Variants in USH2A observed in about 807,000 individuals in gnomAD.
USH2A encodes Usher syndrome 2A (autosomal recessive, mild).
Under a neutral mutation model 538.9 loss-of-function variants are expected in USH2A, and 443 were observed. That is an observed-to-expected ratio of 0.82 (90% CI 0.76 to 0.89). The LOEUF (loss-of-function observed/expected upper bound fraction) is 0.89, where lower values mean the gene tolerates loss of function less well. USH2A is among the 40% of genes least tolerant of loss of function. USH2A has a pLI of 0.00. For missense variants in USH2A, 6,633 were observed against 6,324.8 expected, an observed-to-expected ratio of 1.05 and a Z score of -1.65; for synonymous variants, 2,413 against 2,273.5, an observed-to-expected ratio of 1.06 and a Z score of -1.75.
chr1:215,877,153 A>T (rs963051332), intron 43 of USH2A, among the ~76,000 whole-genome samples: 4 of 152,176 alleles, frequency 2.6e-5, no homozygotes, highest in African/African-American at 9.6e-5. Flanking sequence ...TAAGTAGTGA[A>T]GCTTTGTGGC....
At chr1:216,354,778 A>T (rs1443714154) in intron 4 of USH2A, among the ~76,000 whole-genome samples, 1 of 152,086 alleles carries the variant, frequency 6.6e-6, no homozygotes, top group Non-Finnish European at 1.5e-5. Context: ...CTCTAACATC[A>T]ATCTAACTAG....
chr1:215,840,399 A>G (rs1206186234), intron 46 of USH2A, among the ~76,000 whole-genome samples: 2 of 152,116 alleles, frequency 1.3e-5, no homozygotes, highest in Non-Finnish European at 2.9e-5. Flanking sequence ...TATCAAGTAC[A>G]GTATTCCTGG....
At chr1:215,812,266 A>G (rs1342356813) in intron 49 of USH2A, among the ~76,000 whole-genome samples, 1 of 152,076 alleles carries the variant, frequency 6.6e-6, no homozygotes, top group Non-Finnish European at 1.5e-5. Flanking sequence ...GATTACAGGC[A>G]TGAGCCACCG....
At chr1:216,336,486 A>G (rs998835356) in intron 4 of USH2A, among the ~76,000 whole-genome samples, 3 of 151,196 alleles carry the variant, frequency 2.0e-5, no homozygotes, top group Non-Finnish European at 4.4e-5. Flanking sequence ...GAAAACTCTA[A>G]GAAATCTACT....
intron 38 of USH2A, among the ~76,000 whole-genome samples, chr1:215,915,083 T>C (rs1455754622): frequency 6.6e-6 from 1 of 152,114 alleles, no homozygotes; most frequent in African/African-American, 2.4e-5. Context: ...ATCCTCCTAA[T>C]AGTCCTAGGT....
intron 32 of USH2A, among the ~76,000 whole-genome samples, chr1:216,004,657 T>C (rs999161741): frequency 6.6e-5 from 10 of 152,100 alleles, no homozygotes; most frequent in Non-Finnish European, 1.0e-4. Context: ...AATGTAGCAA[T>C]AGATAAAAGG....
chr1:215,889,277 AT>A (rs775065433), intron 40 of USH2A, among the ~76,000 whole-genome samples: 52 of 152,166 alleles, frequency 3.4e-4, no homozygotes, highest in Admixed American at 6.5e-4. Flanking sequence ...TAAAATGATC[AT>A]TTTCCTCTCT....
intron 37 of USH2A, among the ~76,000 whole-genome samples, chr1:215,941,515 G>C (rs920989105): frequency 6.6e-5 from 10 of 152,074 alleles, no homozygotes; most frequent in African/African-American, 2.4e-4. Context: ...ATCTCAATCA[G>C]CTAAAAGTTA....
intron 70 of USH2A, among the ~76,000 whole-genome samples, chr1:215,632,735 C>T (rs1209941293): frequency 1.3e-5 from 2 of 152,200 alleles, no homozygotes; most frequent in Non-Finnish European, 2.9e-5. Flanking sequence ...TCTTTTCTCT[C>T]TTCCACTGCC....
At chr1:216,247,459 G>A (rs1163371779) in intron 12 of USH2A, among the ~76,000 whole-genome samples, 1 of 152,126 alleles carries the variant, frequency 6.6e-6, no homozygotes, top group African/African-American at 2.4e-5. Flanking sequence ...ATTACTTAAT[G>A]CAAAGAAAAA....
chr1:215,638,395 G>A (rs1312320262), intron 69 of USH2A, among the ~76,000 whole-genome samples: 3 of 151,376 alleles, frequency 2.0e-5, no homozygotes, highest in Non-Finnish European at 2.9e-5. Flanking sequence ...CAAGGTGGGT[G>A]GATCACCTGT....
At chr1:215,925,617 G>T (rs1666219580) in intron 38 of USH2A, among the ~76,000 whole-genome samples, 1 of 152,044 alleles carries the variant, frequency 6.6e-6, no homozygotes, top group Admixed American at 6.6e-5. Context: ...ATTATAAAAA[G>T]CAGTTAATCT....
At chr1:216,181,908 C>G (rs2034501115) in intron 20 of USH2A, among the ~76,000 whole-genome samples, 1 of 152,014 alleles carries the variant, frequency 6.6e-6, no homozygotes, top group African/African-American at 2.4e-5. Context: ...TGGTGTGACA[C>G]AATTTATTAT....
intron 21 of USH2A, chr1:216,173,940 CTT>C (rs2034321892): frequency 1.0e-6 from 1 of 976,954 alleles, no homozygotes; most frequent in Non-Finnish European, 1.2e-6. Context: ...CCTTTTTTTT[CTT>C]TTCTTTTTTG....
In USH2A at chr1:216,109,769, T is replaced by G. The variant is rs147675434; in HGVS notation, c.4628-12556A>C. Among the ~76,000 whole-genome samples the G allele has an allele frequency of 6.3e-3, 960 of 152,328 alleles. 6 individuals carry two copies. Among genetic ancestry groups the G allele is most frequent in the Middle Eastern group, 0.014 (4 of 294 alleles). ...AAATAATAATTATCTGATCAATTTA[T>G]GTCCAACTTTTAAACTCCTATTTCT... On this transcript the variant is annotated intron_variant, in intron 21 of 71. Transcript: ENST00000307340.
intron 60 of USH2A, among the ~76,000 whole-genome samples, chr1:215,739,056 T>C (rs1334618891): frequency 6.6e-6 from 1 of 152,188 alleles, no homozygotes; most frequent in Non-Finnish European, 1.5e-5. Flanking sequence ...TTCATGCCTA[T>C]GTAGGTGAAT....
chr1:216,165,614 T>G (rs1363282617), intron 21 of USH2A, among the ~76,000 whole-genome samples: 1 of 152,180 alleles, frequency 6.6e-6, no homozygotes, highest in Non-Finnish European at 1.5e-5. Context: ...GCATAATGAA[T>G]TTTGCCATTA....
chr1:215,754,456 AT>A (rs569556139), intron 58 of USH2A, among the ~76,000 whole-genome samples: 14 of 151,588 alleles, frequency 9.2e-5, no homozygotes, highest in African/African-American at 1.7e-4. Context: ...CCACATAGAC[AT>A]TTTTTTTCCC....
chr1:216,406,785 A>C (rs1447925207), intron 3 of USH2A, among the ~76,000 whole-genome samples: 4 of 152,152 alleles, frequency 2.6e-5, no homozygotes, highest in Non-Finnish European at 5.9e-5. Context: ...CCAGACACTG[A>C]ACACCACCCC....
Sources: allele counts gnomAD v4.1 joint callset (sites outside exome capture counted in the v4.1 genomes callset), GRCh38; gene constraint gnomAD v4.1.1; transcripts MANE v1.5; gene names NCBI Gene and HGNC (gene_info 2026-07-23, HGNC 2026-07-21).